Variants in ACSM6 observed in about 807,000 individuals in gnomAD.
ACSM6 encodes the protein acyl-CoA synthetase medium chain family member 6.
A neutral mutation model predicts 51.1 loss-of-function variants in ACSM6; 35 were observed. The ratio of observed to expected loss-of-function variants is 0.69; its 90% CI spans 0.52 to 0.91. The LOEUF (loss-of-function observed/expected upper bound fraction) is 0.91, where lower values mean the gene tolerates loss of function less well. ACSM6 is among the 40% of genes least tolerant of loss of function. ACSM6 has a pLI of 0.00. For missense variants in ACSM6, 509 were observed against 584.1 expected (o/e 0.87, Z 1.32); for synonymous variants, 172 against 207.3 (o/e 0.83, Z 1.46).
At chr10:95,195,920 G>A (rs745414750) in intron 2 of ACSM6, among the ~76,000 whole-genome samples, 1 of 152,086 alleles carries the variant, frequency 6.6e-6, no homozygotes, top group Non-Finnish European at 1.5e-5. Context: ...AAAGCTCCTT[G>A]AAAAGGTTTG....
Position 95,210,867 on chromosome 10 carries a change from A to C in ACSM6, c.755+74A>C, listed in dbSNP as rs2034886746. On this transcript the variant is annotated intron_variant, in intron 5 of 10. Coordinates refer to ENST00000341686, the Ensembl canonical transcript of ACSM6. Reference sequence around the variant, plus strand: ...GGTAAAGGGAGCTTCATGGGACTAAAGCTAAGAAAGGAGTTTCTTACTCAA... The same window carrying C: ...GGTAAAGGGAGCTTCATGGGACTAACGCTAAGAAAGGAGTTTCTTACTCAA... 4.0e-6 allele frequency: 6 copies of C among 1,496,474 alleles called. No individual in the cohort carries two copies. The South Asian group carries it at 6.8e-5, about 17-fold the overall frequency. 92.7% of individuals were successfully genotyped at this position (1,496,474 alleles called of 1,614,324 possible).
intron 3 of ACSM6, among the ~76,000 whole-genome samples, chr10:95,203,838 C>A (rs556719201): frequency 1.4e-5 from 2 of 139,494 alleles, no homozygotes; most frequent in Non-Finnish European, 3.0e-5. Flanking sequence ...CCTTTGCCTG[C>A]TAACAGGGAT....
At chr10:95,212,271 G>C (rs182222825) in intron 6 of ACSM6, among the ~76,000 whole-genome samples, 1 of 152,254 alleles carries the variant, frequency 6.6e-6, no homozygotes, top group East Asian at 1.9e-4. Flanking sequence ...ACTTTTAAAA[G>C]ACAATAGTGA....
At chr10:95,213,380 C>G (rs1160298211) in intron 7 of ACSM6, among the ~76,000 whole-genome samples, 1 of 152,108 alleles carries the variant, frequency 6.6e-6, no homozygotes, top group Non-Finnish European at 1.5e-5. Flanking sequence ...ATGAATTCTT[C>G]TAGGCCTTTT....
intron 7 of ACSM6, among the ~76,000 whole-genome samples, chr10:95,213,948 C>T (rs780809728): frequency 1.6e-4 from 25 of 152,112 alleles, no homozygotes; most frequent in Non-Finnish European, 4.4e-5. Flanking sequence ...AGTTAAAAAT[C>T]GCTATGATTA....
chr10:95,219,952 T>C (rs1445862803), exon 9 of ACSM6: 1 of 1,612,430 alleles, frequency 6.2e-7, no homozygotes, highest in African/African-American at 1.3e-5. Context: ...GGGAAGCCAT[T>C]GCCACCTTAT....
chr10:95,197,572 A>T (rs1453907396), intron 2 of ACSM6, among the ~76,000 whole-genome samples: 1 of 152,194 alleles, frequency 6.6e-6, no homozygotes, highest in East Asian at 1.9e-4. Flanking sequence ...AGTAAAGAAT[A>T]ACAAGGAAGC....
In ACSM6 at chr10:95,202,076, C is replaced by A. The variant is rs1470795751; in HGVS notation, c.284C>A (p.Ser95Tyr). The A allele has an allele frequency of 4.5e-6, 7 of 1,551,858 alleles. No homozygotes were observed. The highest frequency in any genetic ancestry group is 6.1e-6 in the Non-Finnish European group (7 of 1,147,060). ...AGCTTTGAAAGGATGACTCAACTCT[C>A]CAAGAAGGCCGCCAGCATCCTCTCA... is the stretch of plus-strand genomic sequence containing the variant. The change falls in exon 3 of 11, where the codon TCC becomes TAC. Residue 95 changes from serine to tyrosine, a missense_variant. Physicochemically the swap from Ser to Tyr is moderately radical, Grantham distance 144. Coordinates refer to ENST00000341686, the Ensembl canonical transcript of ACSM6.
intron 8 of ACSM6, 57 bp from the exon 9 acceptor site, chr10:95,219,834 A>G: frequency 7.9e-7 from 1 of 1,263,268 alleles, no homozygotes; most frequent in Non-Finnish European, 1.2e-6. Flanking sequence ...ATCAATAACT[A>G]GATCCATTAA....
chr10:95,225,329 G>A (rs1403512104), exon 10 of ACSM6: 2 of 1,551,644 alleles, frequency 1.3e-6, no homozygotes, highest in African/African-American at 2.7e-5. Context: ...TCCAGGGGAA[G>A]AAGGAAATAT....
At chr10:95,219,218 T>C (rs1038008037) in intron 8 of ACSM6, among the ~76,000 whole-genome samples, 4 of 152,224 alleles carry the variant, frequency 2.6e-5, no homozygotes, top group Non-Finnish European at 5.9e-5. Context: ...CATTTATTAT[T>C]GAAAATCTCA....
chr10:95,197,328 C>T (rs1768956685), intron 2 of ACSM6, among the ~76,000 whole-genome samples: 1 of 152,146 alleles, frequency 6.6e-6, no homozygotes, highest in African/African-American at 2.4e-5. Flanking sequence ...ACTCAGCATA[C>T]CAAGGACCTG....
chr10:95,207,242 T>A, exon 4 of ACSM6: 1 of 1,614,176 alleles, frequency 6.2e-7, no homozygotes, highest in Non-Finnish European at 8.5e-7. Context: ...CCCAGCTGAC[T>A]GCCAAGAAAA....
chr10:95,198,712 T>C (rs2034760692), intron 2 of ACSM6, among the ~76,000 whole-genome samples: 1 of 152,042 alleles, frequency 6.6e-6, no homozygotes, highest in African/African-American at 2.4e-5. Context: ...GGCCTAGGCC[T>C]GAACTACATC....
intron 6 of ACSM6, 75 bp from the exon 7 acceptor site, chr10:95,212,783 C>A: frequency 8.3e-7 from 1 of 1,203,614 alleles, no homozygotes; most frequent in South Asian, 1.2e-5. Flanking sequence ...ACTTTCCCGC[C>A]TGGACCCCTG....
intron 2 of ACSM6, among the ~76,000 whole-genome samples, chr10:95,199,312 A>C (rs535953790): frequency 6.6e-6 from 1 of 152,282 alleles, no homozygotes; most frequent in Non-Finnish European, 1.5e-5. Context: ...AGAAAGCTGA[A>C]ACTGGATCCC....
In ACSM6 at chr10:95,212,640, A is replaced by G. The variant is rs913956233; in HGVS notation, c.913-218A>G. Among the ~76,000 whole-genome samples, 6 of 152,222 alleles carry G rather than the reference A, an allele frequency of 3.9e-5. No homozygotes were observed. The East Asian group carries it at 9.6e-4, about 24-fold the overall frequency. On this transcript the variant is annotated intron_variant, in intron 6 of 10. Transcript: ENST00000341686. Reference sequence around the variant, plus strand: ...GTATGCATTCGGTTATCAGTGATTAATATGATAGCTCCTATGTTCACAGAG... The same window carrying G: ...GTATGCATTCGGTTATCAGTGATTAGTATGATAGCTCCTATGTTCACAGAG...
At chr10:95,222,364 CG>C (rs1564591895) in intron 9 of ACSM6, among the ~76,000 whole-genome samples, 2 of 151,916 alleles carry the variant, frequency 1.3e-5, no homozygotes, top group African/African-American at 4.8e-5. Flanking sequence ...GGCTTACACC[CG>C]TAATCCCAGC....
chr10:95,202,317 G>A, intron 3 of ACSM6, 122 bp downstream of exon 3: 1 of 915,886 alleles, frequency 1.1e-6, no homozygotes, highest in Non-Finnish European at 1.7e-6. Flanking sequence ...CCACAGTGTG[G>A]GGGATCTTTA....
Sources: gnomAD v4.1 joint callset for allele counts (sites outside exome capture counted in the v4.1 genomes callset) on GRCh38, gnomAD v4.1.1 for gene constraint, MANE v1.5 for transcripts, NCBI Gene and HGNC (gene_info 2026-07-23, HGNC 2026-07-21) for gene names.